The following PLEKHO2 variants were observed in gnomAD, a reference collection of about 807,000 sequenced individuals.
PLEKHO2 encodes pleckstrin homology domain-containing family O member 2.
In PLEKHO2, 20 loss-of-function variants were observed where a neutral mutation model predicts 32.7. The observed-to-expected ratio is 0.61, with a 90% CI of 0.43 to 0.89. PLEKHO2 has a LOEUF of 0.89. PLEKHO2 is among the 40% of genes least tolerant of loss of function. The pLI is 0.00. For synonymous variants in PLEKHO2, 247 were observed against 246.3 expected (o/e 1.00, Z -0.03); for missense variants, 568 against 621.2 (o/e 0.91, Z 0.91).
Position 64,866,403 on chromosome 15 carries a change from G to A in PLEKHO2, c.*515G>A. ...ATTCTGAGTAGCTGCAGAGGCCTTGGGTCCAGGCTCTAGGTTCATCCCTCA... is the reference window on the plus strand; with the variant it reads ...ATTCTGAGTAGCTGCAGAGGCCTTGAGTCCAGGCTCTAGGTTCATCCCTCA... On this transcript the variant is annotated 3_prime_UTR_variant, in exon 6 of 6. Coordinates refer to ENST00000323544, the MANE Select transcript of PLEKHO2 (RefSeq NM_025201.5). The A allele has an allele frequency of 2.2e-6, 1 of 456,356 alleles. No homozygotes were observed. Among genetic ancestry groups the A allele is most frequent in the Non-Finnish European group, 4.4e-6 (1 of 227,020 alleles). 28.3% of individuals were successfully genotyped at this position (456,356 alleles called of 1,614,324 possible). A position where few individuals can be genotyped will look rare whatever the true frequency, so the allele number is the denominator to read the frequency against.
rs373768801 is a variant in PLEKHO2, at chr15:64,865,637, C to T, written c.1222C>T (p.Arg408Trp). 2.0e-5 allele frequency: 32 copies of T among 1,614,122 alleles called. No homozygotes were observed. Among genetic ancestry groups the T allele is most frequent in the Middle Eastern group, 1.6e-4 (1 of 6,084 alleles). The change falls in exon 6 of 6, where the codon CGG (arginine) becomes TGG (tryptophan). Residue 408 changes from arginine to tryptophan, a missense_variant. Arg to Trp is a moderately radical substitution (Grantham distance 101). Transcript: ENST00000323544. ...GCGGCATCCCTTGCAGCCCAGGGAA[C>T]GGCTATATCGGGCCCAGCTGGAGGT... is the stretch of plus-strand genomic sequence containing the variant. ...GPRHPLQPRERLYRAQLEVKV... is the reference protein window; with the variant it reads ...GPRHPLQPREWLYRAQLEVKV...
intron 1 of PLEKHO2, among the ~76,000 whole-genome samples, chr15:64,844,905 T>C (rs1456411839): frequency 6.6e-6 from 1 of 152,260 alleles, no homozygotes; most frequent in Admixed American, 6.5e-5. Flanking sequence ...AAGCAGGAGA[T>C]TACCCGCTCC....
At chr15:64,861,412 G>C in intron 4 of PLEKHO2, 65 bp from the exon 5 acceptor site, 2 of 1,318,838 alleles carry the variant, frequency 1.5e-6, no homozygotes, top group South Asian at 1.4e-5. Context: ...AGCCAGGTCC[G>C]CCCTGGCTAC....
chr15:64,865,582 C>T lies in PLEKHO2; in HGVS notation c.1167C>T (p.Ser389=), dbSNP rs2084677495. 33 of 1,614,256 alleles carry T rather than the reference C, an allele frequency of 2.0e-5. No individual in the cohort carries two copies. Among genetic ancestry groups the T allele is most frequent in the Middle Eastern group, 1.6e-4 (1 of 6,062 alleles). ...DLPPQFHPRC[S]SLGDLLGEGP... ...CACCTCAGTTCCATCCCCGCTGCTC[C>T]TCCCTTGGGGACTTGCTTGGGGAAG... is the stretch of plus-strand genomic sequence containing the variant. The change falls in exon 6 of 6, where the codon TCC becomes TCT. Residue 389 remains serine (S), a synonymous_variant. Transcript: ENST00000323544.
At chr15:64,859,210 T>C (rs954591772) in intron 3 of PLEKHO2, among the ~76,000 whole-genome samples, 1 of 152,232 alleles carries the variant, frequency 6.6e-6, no homozygotes, top group Non-Finnish European at 1.5e-5. Context: ...TTTTGGCTGT[T>C]GTGAACAATG....
At position 64,866,494 on chromosome 15, in the gene PLEKHO2, G is replaced by A. The variant is rs983217213; in HGVS notation, c.*606G>A. 1.1e-4 allele frequency: 47 copies of A among 413,838 alleles called. No homozygotes were observed. The highest frequency in any genetic ancestry group is 9.6e-4 in the African/African-American group (46 of 48,108). 25.6% of individuals were successfully genotyped at this position (413,838 alleles called of 1,614,324 possible). On this transcript the variant is annotated 3_prime_UTR_variant, in exon 6 of 6. Transcript: ENST00000323544. ...AGATGAGAGGCCTCTTTGTGAGGAG[G>A]ACATTAGCTGTGTGGCCTCTCTCTC... is the stretch of plus-strand genomic sequence containing the variant.
At chr15:64,843,581 T>C (rs973006241) in intron 1 of PLEKHO2, among the ~76,000 whole-genome samples, 1 of 150,742 alleles carries the variant, frequency 6.6e-6, no homozygotes, top group Admixed American at 6.6e-5. Flanking sequence ...CACTTTCTTT[T>C]CTTTTTTTTT....
intron 2 of PLEKHO2, among the ~76,000 whole-genome samples, chr15:64,852,618 G>A (rs1057086060): frequency 2.7e-5 from 4 of 150,730 alleles, no homozygotes; most frequent in Non-Finnish European, 5.9e-5. Flanking sequence ...CTGGTGTAGA[G>A]CAGTGGTTCT....
chr15:64,845,352 C>T (rs900887057), intron 1 of PLEKHO2, among the ~76,000 whole-genome samples: 3 of 151,692 alleles, frequency 2.0e-5, no homozygotes, highest in Non-Finnish European at 2.9e-5. Context: ...ACAGGAAGAA[C>T]AGCGGTCAGC....
Position 64,865,216 on chromosome 15 carries a change from T to G in PLEKHO2, c.801T>G (p.Pro267=), listed in dbSNP as rs2077176344. The change falls in exon 6 of 6, where the codon CCT becomes CCG. Residue 267 remains proline, a synonymous_variant. Transcript: ENST00000323544. ...GSEQPPNSVL[P]DKLKVSWENP... ...AGCAGCCTCCCAACAGCGTCCTGCC[T>G]GACAAACTGAAGGTGAGCTGGGAGA... 1 of 1,614,006 alleles carries G rather than the reference T, an allele frequency of 6.2e-7. No individual in the cohort carries two copies. The highest frequency in any genetic ancestry group is 1.3e-5 in the African/African-American group (1 of 74,898).
rs774469496 is a variant in PLEKHO2 at position 64,864,904 on chromosome 15, C to T, written c.489C>T (p.Ala163=). The T allele has an allele frequency of 2.5e-6, 4 of 1,597,822 alleles. No homozygotes were observed. Among genetic ancestry groups the T allele is most frequent in the Non-Finnish European group, 3.4e-6 (4 of 1,170,514 alleles). The change falls in exon 6 of 6, where the codon GCC becomes GCT. Residue 163 remains alanine (A), a synonymous_variant. Transcript: ENST00000323544. ...PPTRVHLKEV[A]SAASDGLLRL... Reference sequence around the variant, plus strand: ...TATACCATCCCCCCCACCAGGTGGCCAGTGCAGCTTCTGACGGTCTTCTGC... The same window carrying T: ...TATACCATCCCCCCCACCAGGTGGCTAGTGCAGCTTCTGACGGTCTTCTGC...
At chr15:64,860,357 C>A (rs533344712) in intron 4 of PLEKHO2, among the ~76,000 whole-genome samples, 1 of 152,354 alleles carries the variant, frequency 6.6e-6, no homozygotes, top group East Asian at 1.9e-4. Flanking sequence ...GCCGACAGCT[C>A]CCTTTTCAGT....
At chr15:64,842,375 ACTCTCTCT>A (rs113444184) in intron 1 of PLEKHO2, among the ~76,000 whole-genome samples, 6,759 of 136,174 alleles carry the variant, frequency 0.05, 304 homozygotes, top group African/African-American at 0.087. Context: ...TCGGATCCTG[ACTCTCTCT>A]CTCTCTCTGT....
intron 1 of PLEKHO2, among the ~76,000 whole-genome samples, chr15:64,844,166 C>G (rs2084506479): frequency 6.6e-6 from 1 of 152,230 alleles, no homozygotes; most frequent in African/African-American, 2.4e-5. Context: ...TCATCTCTTT[C>G]ACATGGCTGC....
Position 64,849,395 on chromosome 15 carries a change from C to G in PLEKHO2, c.162+653C>G, listed in dbSNP as rs1399943513. Among the ~76,000 whole-genome samples, 3 of 151,452 alleles carry G rather than the reference C, an allele frequency of 2.0e-5. No homozygotes were observed. In the East Asian group the frequency reaches 5.9e-4, roughly 30 times the overall value. On this transcript the variant is annotated intron_variant, in intron 2 of 5. Coordinates refer to ENST00000323544, the MANE Select transcript of PLEKHO2 (RefSeq NM_025201.5). ...TCTCTTGACCTCGTGATCCACCCAC[C>G]TTGGCCTCCCAAAGTGCTGGGATTA...
intron 1 of PLEKHO2, among the ~76,000 whole-genome samples, chr15:64,846,942 G>C (rs147859628): frequency 3.3e-5 from 5 of 152,210 alleles, no homozygotes; most frequent in Non-Finnish European, 7.3e-5. Context: ...GCCAGTCACT[G>C]TCTAGGAACT....
intron 1 of PLEKHO2, 35 bp from the exon 2 acceptor site, chr15:64,848,558 C>A: frequency 6.2e-7 from 1 of 1,612,884 alleles, no homozygotes; most frequent in South Asian, 1.1e-5. Flanking sequence ...CCCATGGTAG[C>A]AACCCTCATG....
intron 1 of PLEKHO2, among the ~76,000 whole-genome samples, chr15:64,843,031 A>G (rs1376315361): frequency 6.6e-6 from 1 of 152,166 alleles, no homozygotes; most frequent in Non-Finnish European, 1.5e-5. Flanking sequence ...TGGGGAGGAA[A>G]GATGAAGTTC....
In PLEKHO2 at chr15:64,865,885, C is replaced by A; in HGVS notation, c.1470C>A (p.Pro490=). 1 of 1,597,534 alleles carries A rather than the reference C, an allele frequency of 6.3e-7. No individual in the cohort carries two copies. The highest frequency in any genetic ancestry group is 8.5e-7 in the Non-Finnish European group (1 of 1,175,256). ...ELVTLYRRSA[P] ...TGACCCTCTACAGGAGAAGTGCACC[C>A]TAGGGCCTTCTGGGCCAGAGGCACC... Residue 490 remains proline (P), a synonymous_variant, in exon 6 of 6, where the codon CCC becomes CCA. Transcript: ENST00000323544.
Sources: gnomAD v4.1 joint callset for allele counts (sites outside exome capture counted in the v4.1 genomes callset) on GRCh38, gnomAD v4.1.1 for gene constraint, MANE v1.5 for transcripts, NCBI Gene and HGNC (gene_info 2026-07-23, HGNC 2026-07-21) for gene names.